PIP5K1C: variants seen among roughly 807,000 people sequenced by gnomAD.
The protein encoded by PIP5K1C is phosphatidylinositol-4-phosphate 5-kinase type 1 gamma.
In PIP5K1C, 45 loss-of-function variants were observed where a neutral mutation model predicts 80.1. That is an observed-to-expected ratio of 0.56 (90% CI 0.44 to 0.72). The LOEUF is 0.72. Ranked by LOEUF, PIP5K1C falls within the 30% of genes least tolerant of loss-of-function variation. The probability of loss-of-function intolerance (pLI) is 0.00; values close to 1 mark genes in which losing one functional copy is unlikely to be tolerated. For missense variants in PIP5K1C, 753 were observed against 954.6 expected (o/e 0.79, Z 2.78); for synonymous variants, 498 against 420.1 (o/e 1.19, Z -2.27).
At chr19:3,647,675 G>A (rs955142039) in intron 9 of PIP5K1C, among the ~76,000 whole-genome samples, 2 of 152,190 alleles carry the variant, frequency 1.3e-5, no homozygotes, top group South Asian at 2.1e-4. Flanking sequence ...AGCTGAGCAC[G>A]GTGGCTCACA....
intron 1 of PIP5K1C, among the ~76,000 whole-genome samples, chr19:3,695,941 G>T (rs561359762): frequency 1.3e-5 from 2 of 152,000 alleles, no homozygotes; most frequent in Non-Finnish European, 2.9e-5. Flanking sequence ...TGTTGCTCCA[G>T]GCTGGTCTCA....
At chr19:3,662,108 C>G (rs957119163) in intron 3 of PIP5K1C, 107 bp from the exon 4 acceptor site, 4 of 1,361,220 alleles carry the variant, frequency 2.9e-6, no homozygotes, top group African/African-American at 1.4e-5. Flanking sequence ...GCTTGGGACC[C>G]GGCACCTGCC....
intron 1 of PIP5K1C, among the ~76,000 whole-genome samples, chr19:3,686,320 TGA>T (rs924619676): frequency 6.6e-6 from 1 of 151,712 alleles, no homozygotes; most frequent in Non-Finnish European, 1.5e-5. Context: ...CTCAGGAGGC[TGA>T]GGCAGGAGAA....
intron 1 of PIP5K1C, 125 bp downstream of exon 1, chr19:3,700,172 A>C (rs1321014450): frequency 4.8e-6 from 2 of 417,568 alleles, no homozygotes; most frequent in Non-Finnish European, 6.7e-6. Context: ...GCCCCGCCCC[A>C]GGCTCCTGGA....
At chr19:3,679,390 G>A (rs988569201) in intron 1 of PIP5K1C, among the ~76,000 whole-genome samples, 2 of 152,156 alleles carry the variant, frequency 1.3e-5, no homozygotes, top group Non-Finnish European at 2.9e-5. Flanking sequence ...CCTCCCGTTT[G>A]GGTCTCAGCC....
intron 5 of PIP5K1C, 113 bp downstream of exon 5, chr19:3,660,853 C>T (rs941773308): frequency 1.2e-6 from 1 of 803,782 alleles, no homozygotes; most frequent in African/African-American, 1.7e-5. Flanking sequence ...TGACCATAAC[C>T]CTACACGAGG....
chr19:3,671,021 C>A (rs975674111), intron 1 of PIP5K1C, among the ~76,000 whole-genome samples: 1 of 152,162 alleles, frequency 6.6e-6, no homozygotes, highest in African/African-American at 2.4e-5. Context: ...GGCCCGGGAG[C>A]AGAACAATTC....
chr19:3,648,752 G>A lies in PIP5K1C; in HGVS notation c.1128-44C>T. 1 of 1,555,112 alleles carries A rather than the reference G, an allele frequency of 6.4e-7. No individual in the cohort carries two copies. Among genetic ancestry groups the A allele is most frequent in the African/African-American group, 1.4e-5 (1 of 73,942 alleles). On this transcript the variant is annotated intron_variant, in intron 8 of 17. Coordinates refer to ENST00000335312, the MANE Select transcript of PIP5K1C (RefSeq NM_012398.3). This position sits in a 1 kb window ranked among gnomAD's most constrained non-coding sequence, Gnocchi z 4.3. ...GGTACCATCAGCATCCCGCAGAGCT[G>A]GGACTCGGGGCAGGCGGGGCTGGGG... is the stretch of plus-strand genomic sequence containing the variant.
At position 3,653,287 on chromosome 19, in the gene PIP5K1C, C is replaced by A; in HGVS notation, c.921+3G>T. The A allele has an allele frequency of 6.2e-7, 1 of 1,605,286 alleles. No homozygotes were observed. On this transcript the variant is annotated splice_donor_region_variant and intron_variant, in intron 7 of 17. Transcript: ENST00000335312. ...CCCTCCCCGGCCGGGGCCGAGCCCT[C>A]ACCAGGCAGTCCCGCTGCAGCGTCT...
At chr19:3,697,836 C>T (rs1462144434) in intron 1 of PIP5K1C, among the ~76,000 whole-genome samples, 1 of 152,260 alleles carries the variant, frequency 6.6e-6, no homozygotes, top group African/African-American at 2.4e-5. Flanking sequence ...ACAGTGGGCA[C>T]AGCCGCATCC....
At chr19:3,644,749 GC>G (rs1262639500) in intron 11 of PIP5K1C, among the ~76,000 whole-genome samples, 1 of 152,220 alleles carries the variant, frequency 6.6e-6, no homozygotes, top group African/African-American at 2.4e-5. Flanking sequence ...GGCCCTGGGG[GC>G]CGACCTTAGC....
chr19:3,633,488 C>A lies in PIP5K1C; in HGVS notation c.1953G>T (p.Pro651=), dbSNP rs745995555. ...GGGGGGCCTGGGCGCTATAGTGGAG[C>A]GGGGAGTACACCCAGCTCCTCTCAT... The part of the protein sequence containing the change: ...PTDERSWVYS[P]LHYSAQAPPA... The change falls in exon 17 of 18, where the codon CCG becomes CCT. Residue 651 remains proline (P), a synonymous_variant. Transcript: ENST00000335312. 2 of 1,507,170 alleles carry A rather than the reference C, an allele frequency of 1.3e-6. No individual in the cohort carries two copies. The highest frequency in any genetic ancestry group is 1.3e-5 in the South Asian group (1 of 74,102). The allele number at this position is 1,507,170 out of a possible 1,614,324, so 93.4% of individuals were successfully genotyped here.
At chr19:3,643,840 G>A (rs2034090012) in intron 12 of PIP5K1C, among the ~76,000 whole-genome samples, 1 of 152,098 alleles carries the variant, frequency 6.6e-6, no homozygotes, top group African/African-American at 2.4e-5. Flanking sequence ...CACCTCAGAT[G>A]ACAGTGGCCG....
At position 3,637,114 on chromosome 19, in the gene PIP5K1C, ACCTGTGCAACCTCC is replaced by A; in HGVS notation, c.1920+1756_1920+1769del. The A allele has an allele frequency of 7.4e-7, 1 of 1,347,574 alleles. No homozygotes were observed. The highest frequency in any genetic ancestry group is 9.6e-7 in the Non-Finnish European group (1 of 1,046,070). The allele number at this position is 1,347,574 out of a possible 1,614,324, so 83.5% of individuals were successfully genotyped here. ...GCCCGGCCCTGCAGCCACTCTGCTG[ACCTGTGCAACCTCC>A]CCTGTGCAGCCAGCGGGGCCACGGG... On this transcript the variant is annotated intron_variant, in intron 16 of 17. Coordinates refer to ENST00000335312, the MANE Select transcript of PIP5K1C (RefSeq NM_012398.3). The surrounding 1 kb of genome is among the most constrained non-coding windows in gnomAD (Gnocchi z 7.0).
intron 16 of PIP5K1C, chr19:3,636,441 T>C (rs1336198611): frequency 1.0e-6 from 1 of 985,310 alleles, no homozygotes; most frequent in Non-Finnish European, 1.2e-6. Context: ...TCCCCACGTC[T>C]GCCCCTTCAA....
intron 16 of PIP5K1C, among the ~76,000 whole-genome samples, chr19:3,636,054 G>A (rs1040462240): frequency 3.9e-5 from 6 of 152,178 alleles, no homozygotes; most frequent in Non-Finnish European, 5.9e-5. Flanking sequence ...CTACTCAGGA[G>A]GCTGAGGCAG....
intron 1 of PIP5K1C, among the ~76,000 whole-genome samples, chr19:3,670,500 G>A (rs1249445044): frequency 6.6e-6 from 1 of 152,202 alleles, no homozygotes; most frequent in South Asian, 2.1e-4. Flanking sequence ...CTCCGAGGTC[G>A]GTCGGGAGGG....
At chr19:3,651,248 G>T (rs1406478059) in intron 8 of PIP5K1C, among the ~76,000 whole-genome samples, 1 of 151,944 alleles carries the variant, frequency 6.6e-6, no homozygotes, top group Non-Finnish European at 1.5e-5. Context: ...TAGAGATGGG[G>T]TCTTGCCATG....
chr19:3,655,145 G>A (rs927878182), intron 6 of PIP5K1C, among the ~76,000 whole-genome samples: 3 of 139,976 alleles, frequency 2.1e-5, no homozygotes, highest in East Asian at 2.2e-4. Flanking sequence ...GAGGCCAGGC[G>A]CGGTGGCTCA....
Sources: allele counts gnomAD v4.1 joint callset (sites outside exome capture counted in the v4.1 genomes callset), GRCh38; gene constraint gnomAD v4.1.1; non-coding constraint Gnocchi (gnomAD v3.1); transcripts MANE v1.5; gene names NCBI Gene and HGNC (gene_info 2026-07-23, HGNC 2026-07-21).